CORO1C: variants seen among roughly 807,000 people sequenced by gnomAD.
The protein encoded by CORO1C is coronin 1C.
In CORO1C, 14 loss-of-function variants were observed where a neutral mutation model predicts 51.2. The observed-to-expected ratio is 0.27, with a 90% CI of 0.18 to 0.43. CORO1C has a LOEUF of 0.43. Among genes scored for constraint, CORO1C ranks in the 20% least tolerant of loss-of-function variants. The probability of loss-of-function intolerance (pLI) is 1.00; values close to 1 mark genes in which losing one functional copy is unlikely to be tolerated. For missense variants in CORO1C, 417 were observed against 607.8 expected (o/e 0.69, Z 3.30); for synonymous variants, 181 against 210.5 (o/e 0.86, Z 1.21).
intron 2 of CORO1C, among the ~76,000 whole-genome samples, chr12:108,681,437 AGAG>A (rs1163230848): frequency 6.6e-6 from 1 of 152,230 alleles, no homozygotes; most frequent in Non-Finnish European, 1.5e-5. Flanking sequence ...CCTAAAACAA[AGAG>A]AAGATCCCAG....
At chr12:108,729,645 T>C (rs2035670399) in intron 1 of CORO1C, among the ~76,000 whole-genome samples, 1 of 152,250 alleles carries the variant, frequency 6.6e-6, no homozygotes, top group Non-Finnish European at 1.5e-5. Context: ...ATCCAATGTT[T>C]ACTATTATGC....
Position 108,715,466 on chromosome 12 carries a change from G to A in CORO1C, c.-5-14143C>T, listed in dbSNP as rs149780966. Among the ~76,000 whole-genome samples, 684 of 152,256 alleles carry A rather than the reference G, an allele frequency of 4.5e-3. 3 individuals are homozygous for A. The highest frequency in any genetic ancestry group is 0.01 in the Middle Eastern group (3 of 294). ...TATATATTTCTATTACAGAGATAAT[G>A]TGCAAGGATGACATGTTTACAACCC... On this transcript the variant is annotated intron_variant, in intron 1 of 10. Transcript: ENST00000261401.
chr12:108,713,307 C>T (rs929091271), intron 1 of CORO1C, among the ~76,000 whole-genome samples: 1 of 152,092 alleles, frequency 6.6e-6, no homozygotes, highest in Non-Finnish European at 1.5e-5. Context: ...TTAGCATGGC[C>T]GACTGACTGC....
At chr12:108,681,978 G>A (rs1205550865) in intron 2 of CORO1C, among the ~76,000 whole-genome samples, 2 of 149,366 alleles carry the variant, frequency 1.3e-5, no homozygotes, top group Admixed American at 6.7e-5. Flanking sequence ...ACTAATTTTA[G>A]ACTTTAAATA....
At chr12:108,661,759 G>A (rs1356220407) in intron 4 of CORO1C, among the ~76,000 whole-genome samples, 1 of 152,082 alleles carries the variant, frequency 6.6e-6, no homozygotes, top group Non-Finnish European at 1.5e-5. Context: ...GGAGGGCCCT[G>A]GCAGGAACCA....
At chr12:108,672,647 TTTTTG>T (rs926216422) in intron 3 of CORO1C, among the ~76,000 whole-genome samples, 4 of 151,212 alleles carry the variant, frequency 2.6e-5, no homozygotes, top group Non-Finnish European at 4.4e-5. Flanking sequence ...TGTGGTGGTG[TTTTTG>T]TTTTGTTTTT....
chr12:108,713,376 T>C (rs1236029876), intron 1 of CORO1C, among the ~76,000 whole-genome samples: 1 of 152,192 alleles, frequency 6.6e-6, no homozygotes, highest in Non-Finnish European at 1.5e-5. Flanking sequence ...TGGTAAAAAT[T>C]AAGGGAAAAA....
At chr12:108,682,601 C>T (rs2034161922) in intron 2 of CORO1C, among the ~76,000 whole-genome samples, 1 of 151,998 alleles carries the variant, frequency 6.6e-6, no homozygotes, top group Middle Eastern at 3.4e-3. Flanking sequence ...GAGATGTCAA[C>T]AAAGATTTAA....
intron 1 of CORO1C, among the ~76,000 whole-genome samples, chr12:108,720,473 ATATT>A (rs1311262420): frequency 6.6e-6 from 1 of 152,140 alleles, no homozygotes; most frequent in African/African-American, 2.4e-5. Flanking sequence ...TCTTGCTAAC[ATATT>A]TATTTACAAT....
At chr12:108,651,284 T>C (rs1024517022) in intron 8 of CORO1C, among the ~76,000 whole-genome samples, 3 of 152,230 alleles carry the variant, frequency 2.0e-5, no homozygotes, top group Admixed American at 6.5e-5. Flanking sequence ...TACGACCTTA[T>C]ATGTGATGAT....
intron 5 of CORO1C, among the ~76,000 whole-genome samples, chr12:108,657,897 G>A (rs188190586): frequency 6.6e-6 from 1 of 152,306 alleles, no homozygotes; most frequent in East Asian, 1.9e-4. Flanking sequence ...GTCGGGTGGA[G>A]AAAACACTTA....
At position 108,645,917 on chromosome 12, in the gene CORO1C, G is replaced by A. The variant is rs1390889204; in HGVS notation, c.*1486C>T. 6.6e-6 allele frequency: 1 copy of A among 152,218 alleles called. No homozygotes were observed. The highest frequency in any genetic ancestry group is 1.5e-5 in the Non-Finnish European group (1 of 68,048). The allele number at this position is 152,218 out of a possible 1,614,324, so 9.4% of individuals were successfully genotyped here. On this transcript the variant is annotated 3_prime_UTR_variant, in exon 11 of 11. Coordinates refer to ENST00000261401, the MANE Select transcript of CORO1C (RefSeq NM_014325.4). ...ATGCACTATAAGAAACTGGAAACGG[G>A]GCAAAGTTCCAGCTAACCGAGGAAT...
At chr12:108,714,727 C>T (rs1377048910) in intron 1 of CORO1C, among the ~76,000 whole-genome samples, 1 of 151,570 alleles carries the variant, frequency 6.6e-6, no homozygotes, top group African/African-American at 2.4e-5. Flanking sequence ...CACGACACTG[C>T]ACTCCAGCCT....
intron 3 of CORO1C, among the ~76,000 whole-genome samples, chr12:108,673,396 G>A (rs2033788453): frequency 6.6e-6 from 1 of 152,210 alleles, no homozygotes; most frequent in Admixed American, 6.5e-5. Context: ...GAAACTAGCA[G>A]AGGTTAGTTC....
chr12:108,727,997 A>G (rs192913091), intron 1 of CORO1C, among the ~76,000 whole-genome samples: 4 of 152,378 alleles, frequency 2.6e-5, no homozygotes, highest in African/African-American at 9.6e-5. Flanking sequence ...GATGCTCAAC[A>G]TCATTAGCCA....
At chr12:108,707,190 T>A (rs559870062) in intron 1 of CORO1C, among the ~76,000 whole-genome samples, 1 of 152,282 alleles carries the variant, frequency 6.6e-6, no homozygotes, top group Admixed American at 6.5e-5. Flanking sequence ...AAGGGATTGA[T>A]TGGAACTGCA....
chr12:108,704,337 C>T (rs1238418417), intron 1 of CORO1C, among the ~76,000 whole-genome samples: 2 of 151,854 alleles, frequency 1.3e-5, no homozygotes, highest in African/African-American at 2.4e-5. Context: ...CCGGGTGTGG[C>T]GGCAGGCATC....
intron 1 of CORO1C, among the ~76,000 whole-genome samples, chr12:108,726,458 A>G (rs1473454425): frequency 1.3e-5 from 2 of 151,836 alleles, no homozygotes; most frequent in African/African-American, 4.8e-5. Flanking sequence ...AAGAACACAA[A>G]ATATAACTAA....
At chr12:108,707,753 C>G (rs2035067513) in intron 1 of CORO1C, among the ~76,000 whole-genome samples, 1 of 152,096 alleles carries the variant, frequency 6.6e-6, no homozygotes, top group South Asian at 2.1e-4. Context: ...ACACTTGTAT[C>G]TAGAGTATAA....
Sources: allele counts gnomAD v4.1 joint callset (sites outside exome capture counted in the v4.1 genomes callset), GRCh38; gene constraint gnomAD v4.1.1; transcripts MANE v1.5; gene names NCBI Gene and HGNC (gene_info 2026-07-23, HGNC 2026-07-21).